Variants in IGDCC4 observed in about 807,000 individuals in gnomAD.
IGDCC4 encodes immunoglobulin superfamily DCC subclass member 4, also known as likely ortholog of mouse neighbor of Punc E11.
A neutral mutation model predicts 116.6 loss-of-function variants in IGDCC4; 72 were observed. That is an observed-to-expected ratio of 0.62 (90% confidence interval 0.51 to 0.75). The LOEUF (loss-of-function observed/expected upper bound fraction) is 0.75, where lower values mean the gene tolerates loss of function less well. Among genes scored for constraint, IGDCC4 ranks in the 30% least tolerant of loss-of-function variants. IGDCC4 has a pLI of 0.00. For synonymous variants in IGDCC4, 709 were observed against 719.9 expected (o/e 0.98, Z 0.24); for missense variants, 1,501 against 1,662.4 (o/e 0.90, Z 1.69).
Position 65,402,415 on chromosome 15 carries a change from G to A in IGDCC4, c.636C>T (p.Cys212=), listed in dbSNP as rs147228049. ...GCTGGCGAGCTGAGTTGGTGGCCAC[G>A]CAGCGGTAGGGGCCTGCATCACTCT... ...VQESDAGPYR[C]VATNSARQHF... Residue 212 remains cysteine, a synonymous_variant, in exon 4 of 20, where the codon TGC becomes TGT. Coordinates refer to ENST00000352385, the MANE Select transcript of IGDCC4 (RefSeq NM_020962.3). The A allele has an allele frequency of 1.3e-5, 20 of 1,568,864 alleles. No individual in the cohort carries two copies. Among genetic ancestry groups the A allele is most frequent in the Non-Finnish European group, 1.7e-5 (20 of 1,156,182 alleles).
At chr15:65,416,391 C>T (rs939638133) in intron 1 of IGDCC4, among the ~76,000 whole-genome samples, 4 of 152,278 alleles carry the variant, frequency 2.6e-5, no homozygotes, top group Non-Finnish European at 4.4e-5. Context: ...CCCGCCTCGG[C>T]CTTCCAAAGT....
chr15:65,386,942 G>T (rs2091466281), intron 16 of IGDCC4, among the ~76,000 whole-genome samples: 1 of 152,182 alleles, frequency 6.6e-6, no homozygotes, highest in African/African-American at 2.4e-5. Context: ...TGTTGCATGG[G>T]TGTGCAACAT....
intron 3 of IGDCC4, among the ~76,000 whole-genome samples, chr15:65,408,358 T>C (rs924341881): frequency 1.3e-5 from 2 of 152,212 alleles, no homozygotes; most frequent in African/African-American, 4.8e-5. Context: ...TCTGGGTTCA[T>C]GGAACTCCCA....
At chr15:65,394,099 C>T (rs1163495299) in intron 9 of IGDCC4, among the ~76,000 whole-genome samples, 2 of 152,164 alleles carry the variant, frequency 1.3e-5, no homozygotes, top group African/African-American at 4.8e-5. Context: ...TTCCTGGGGT[C>T]AAGTGATCCT....
intron 1 of IGDCC4, among the ~76,000 whole-genome samples, chr15:65,413,257 A>G (rs2063114934): frequency 6.6e-6 from 1 of 152,184 alleles, no homozygotes; most frequent in East Asian, 1.9e-4. Context: ...GGAGGCTCAC[A>G]TGGCTCATTC....
At position 65,383,448 on chromosome 15, in the gene IGDCC4, G is replaced by A. The variant is rs948394583; in HGVS notation, c.*561C>T. 1 of 152,256 alleles carries A rather than the reference G, an allele frequency of 6.6e-6. No individual in the cohort carries two copies. The highest frequency in any genetic ancestry group is 2.4e-5 in the African/African-American group (1 of 41,416). The allele number at this position is 152,256 out of a possible 1,614,324, so 9.4% of individuals were successfully genotyped here. A position where few individuals can be genotyped will look rare whatever the true frequency, so the allele number is the denominator to read the frequency against. ...AAAATTAAATGCAGAGTTGCTCGGA[G>A]GGGAGCCAGGGCCACCCTCTCTATT... On this transcript the variant is annotated 3_prime_UTR_variant, in exon 20 of 20. Coordinates refer to ENST00000352385, the MANE Select transcript of IGDCC4 (RefSeq NM_020962.3).
rs1245194167 is a variant in IGDCC4, at chr15:65,391,982, C to G, written c.2123-1G>C. 1 of 1,608,004 alleles carries G rather than the reference C, an allele frequency of 6.2e-7. No individual in the cohort carries two copies. Among genetic ancestry groups the G allele is most frequent in the South Asian group, 1.1e-5 (1 of 90,066 alleles). ...TTCACCTCGTACAGCCGGCCAGGGA[C>G]TGGGGAAGGTTACAGGGCTTAATGG... On this transcript the variant is annotated splice_acceptor_variant, in intron 11 of 19. Coordinates refer to ENST00000352385, the MANE Select transcript of IGDCC4 (RefSeq NM_020962.3). LOFTEE classifies it high-confidence loss of function.
intron 5 of IGDCC4, 97 bp from the exon 6 acceptor site, chr15:65,397,086 A>G (rs770524625): frequency 1.3e-5 from 19 of 1,409,334 alleles, no homozygotes; most frequent in Non-Finnish European, 1.8e-5. Context: ...CGGATAAAGC[A>G]AACACAACCG....
intron 3 of IGDCC4, among the ~76,000 whole-genome samples, chr15:65,407,496 C>T (rs1170295000): frequency 6.6e-6 from 1 of 152,012 alleles, no homozygotes; most frequent in East Asian, 1.9e-4. Flanking sequence ...GCGCCTGCCA[C>T]CATGTCCAGC....
At chr15:65,414,332 C>T (rs538424835) in intron 1 of IGDCC4, among the ~76,000 whole-genome samples, 3 of 152,344 alleles carry the variant, frequency 2.0e-5, no homozygotes, top group Admixed American at 1.3e-4. Flanking sequence ...CAGCAGTACT[C>T]GCGGGCTCAG....
In IGDCC4 at chr15:65,384,555, G is replaced by A; in HGVS notation, c.3343-136C>T. The A allele has an allele frequency of 1.1e-6, 1 of 878,468 alleles. No homozygotes were observed. Among genetic ancestry groups the A allele is most frequent in the Non-Finnish European group, 1.7e-6 (1 of 590,506 alleles). The allele number at this position is 878,468 out of a possible 1,614,324, so 54.4% of individuals were successfully genotyped here. A position where few individuals can be genotyped will look rare whatever the true frequency, so the allele number is the denominator to read the frequency against. ...CATGGGAGTCGGTGAAGGATACACA[G>A]GAACTGTTCGAACCTATACAAAGGC... On this transcript the variant is annotated intron_variant, in intron 19 of 19. Transcript: ENST00000352385. The surrounding 1 kb of genome is among the most constrained non-coding windows in gnomAD (Gnocchi z 4.9).
intron 1 of IGDCC4, among the ~76,000 whole-genome samples, chr15:65,411,865 G>A (rs995006063): frequency 6.6e-6 from 1 of 152,160 alleles, no homozygotes; most frequent in Non-Finnish European, 1.5e-5. Flanking sequence ...ATGAGTACAG[G>A]GTTTCTTTTG....
intron 3 of IGDCC4, among the ~76,000 whole-genome samples, chr15:65,406,921 G>A (rs2063045918): frequency 6.6e-6 from 1 of 152,068 alleles, no homozygotes; most frequent in Non-Finnish European, 1.5e-5. Context: ...GAAGCTTTGG[G>A]GAAGTAACTT....
chr15:65,411,494 G>T, intron 1 of IGDCC4, 124 bp from the exon 2 acceptor site: 1 of 752,278 alleles, frequency 1.3e-6, no homozygotes. Flanking sequence ...CTGGATCCTG[G>T]CTCTCCCCTT....
chr15:65,396,434 C>T, intron 6 of IGDCC4: 2 of 625,728 alleles, frequency 3.2e-6, no homozygotes, highest in East Asian at 5.9e-5. Context: ...ATTGCTCCTC[C>T]CGGATCTAAC....
At chr15:65,395,634 T>C in intron 7 of IGDCC4, 116 bp downstream of exon 7, 2 of 1,170,460 alleles carry the variant, frequency 1.7e-6, no homozygotes, top group Non-Finnish European at 2.3e-6. Context: ...CCTACCCCAG[T>C]CCATCCTTGC....
chr15:65,401,057 G>C, intron 4 of IGDCC4, 111 bp from the exon 5 acceptor site: 1 of 1,387,634 alleles, frequency 7.2e-7, no homozygotes, highest in South Asian at 1.2e-5. Flanking sequence ...CAGCAGCAAT[G>C]ATTCCATCTG....
At position 65,411,058 on chromosome 15, in the gene IGDCC4, C is replaced by T. The variant is rs1239190556; in HGVS notation, c.383G>A (p.Gly128Glu). ...GACAGCAGTCTGGCTGGCCAGCACT[C>T]CGAGGGGGCCGTGGGCTAGGCACGA... The part of the protein sequence containing the change: ...NYSCLAHGPL[G>E]VLASQTAVVK... The change falls in exon 2 of 20, where the codon GGA (glycine) becomes GAA (glutamate). Residue 128 changes from glycine (G) to glutamate (E), a missense_variant. Transcript: ENST00000352385. 1.2e-6 allele frequency: 2 copies of T among 1,613,492 alleles called. No homozygotes were observed. Among genetic ancestry groups the T allele is most frequent in the Non-Finnish European group, 1.7e-6 (2 of 1,179,710 alleles).
At position 65,384,028 on chromosome 15, in the gene IGDCC4, G is replaced by A. The variant is rs149340089; in HGVS notation, c.3734C>T (p.Pro1245Leu). Reference protein sequence around the residue: ...LGASPGLPRSPVSSSA With the variant: ...LGASPGLPRSLVSSSA Reference sequence around the variant, plus strand: ...GAAGAGCTAGGCAGAGGAGGAGACCGGGGATCTGGGCAGGCCTGGGCTGGC... The same window carrying A: ...GAAGAGCTAGGCAGAGGAGGAGACCAGGGATCTGGGCAGGCCTGGGCTGGC... The change falls in exon 20 of 20, where the codon CCG (proline) becomes CTG (leucine). Residue 1245 changes from proline (P) to leucine (L), a missense_variant. This residue lies in a region of IGDCC4 where 368 missense variants were observed against 355.6 expected (regional missense o/e 1.03). Coordinates refer to ENST00000352385, the MANE Select transcript of IGDCC4 (RefSeq NM_020962.3). This position sits in a 1 kb window ranked among gnomAD's most constrained non-coding sequence, Gnocchi z 4.9. The A allele has an allele frequency of 3.3e-5, 53 of 1,594,522 alleles. No individual in the cohort carries two copies. Among genetic ancestry groups the A allele is most frequent in the Non-Finnish European group, 3.9e-5 (46 of 1,165,890 alleles).
Sources: gnomAD v4.1 joint callset for allele counts (sites outside exome capture counted in the v4.1 genomes callset) on GRCh38, gnomAD v4.1.1 for gene constraint, gnomAD v4.1.1 regional missense constraint, Gnocchi (gnomAD v3.1) non-coding constraint, MANE v1.5 for transcripts, NCBI Gene and HGNC (gene_info 2026-07-23, HGNC 2026-07-21) for gene names.